Variants in SHANK2 observed in about 807,000 individuals in gnomAD.
SHANK2 encodes the protein SH3 and multiple ankyrin repeat domains protein 2.
Under a neutral mutation model 133.7 loss-of-function variants are expected in SHANK2, and 43 were observed. That is an observed-to-expected ratio of 0.32 (90% confidence interval 0.25 to 0.41). The LOEUF (loss-of-function observed/expected upper bound fraction) is 0.41. Among genes scored for constraint, SHANK2 ranks in the 10% least tolerant of loss-of-function variants. SHANK2 has a pLI of 1.00. For synonymous variants in SHANK2, 1,017 were observed against 952.8 expected (o/e 1.07, Z -1.24); for missense variants, 1,994 against 2,235.8 (o/e 0.89, Z 2.18).
chr11:70,519,934 G>A (rs1167979483), intron 17 of SHANK2, among the ~76,000 whole-genome samples: 2 of 145,668 alleles, frequency 1.4e-5, no homozygotes, highest in East Asian at 4.0e-4. Flanking sequence ...TTTTTTTAAA[G>A]GCAAGGTCTC....
chr11:70,663,329 G>A (rs547759947), intron 15 of SHANK2, among the ~76,000 whole-genome samples: 7 of 152,300 alleles, frequency 4.6e-5, no homozygotes, highest in Admixed American at 3.3e-4. Context: ...GGATTGGGGG[G>A]CCCTGGGGAG....
At chr11:70,849,416 G>A (rs1285587503) in intron 11 of SHANK2, among the ~76,000 whole-genome samples, 1 of 152,186 alleles carries the variant, frequency 6.6e-6, no homozygotes, top group Non-Finnish European at 1.5e-5. Context: ...TGCACAAATG[G>A]GGCTGAACAG....
chr11:71,100,209 G>A (rs1951696090), intron 6 of SHANK2, among the ~76,000 whole-genome samples: 1 of 152,198 alleles, frequency 6.6e-6, no homozygotes. Flanking sequence ...AGTTTGGCGA[G>A]TTGACACAAA....
chr11:70,848,709 T>A (rs1331742130), intron 11 of SHANK2, among the ~76,000 whole-genome samples: 1 of 152,108 alleles, frequency 6.6e-6, no homozygotes, highest in African/African-American at 2.4e-5. Context: ...CCTTGAAAGG[T>A]AAATGGCAAG....
chr11:70,704,026 C>T (rs1193784255), intron 14 of SHANK2, among the ~76,000 whole-genome samples: 5 of 152,216 alleles, frequency 3.3e-5, no homozygotes, highest in Admixed American at 1.3e-4. Context: ...GGGACAATGC[C>T]GCCCTACTCC....
chr11:70,540,371 G>A (rs1169963318), intron 17 of SHANK2, among the ~76,000 whole-genome samples: 1 of 112,096 alleles, frequency 8.9e-6, no homozygotes, highest in Non-Finnish European at 1.8e-5. Context: ...CAGGCAGGCT[G>A]GGGCCCCTCC....
At chr11:70,756,754 G>A (rs782400577) in intron 14 of SHANK2, among the ~76,000 whole-genome samples, 35 of 152,326 alleles carry the variant, frequency 2.3e-4, no homozygotes, top group Middle Eastern at 3.4e-3. Flanking sequence ...GCCACGCAGC[G>A]TTGAACATAT....
intron 2 of SHANK2, among the ~76,000 whole-genome samples, chr11:71,147,717 G>GA (rs1330396827): frequency 1.3e-5 from 2 of 152,212 alleles, no homozygotes; most frequent in African/African-American, 4.8e-5. Flanking sequence ...CCCAAGGTAA[G>GA]AAAAAAGGCT....
intron 2 of SHANK2, among the ~76,000 whole-genome samples, chr11:71,178,003 A>G (rs541977454): frequency 1.3e-5 from 2 of 152,342 alleles, no homozygotes; most frequent in South Asian, 2.1e-4. Flanking sequence ...CGTGGCCACT[A>G]TGGAAAATAG....
intron 25 of SHANK2, among the ~76,000 whole-genome samples, chr11:70,476,463 G>C (rs1555150139): frequency 3.9e-5 from 6 of 152,194 alleles, no homozygotes; most frequent in Non-Finnish European, 1.5e-5. Context: ...AACTGGGGGT[G>C]CTGTGGCCTG....
At chr11:71,061,971 C>CTTTTTTTTTT (rs1216736346) in intron 9 of SHANK2, among the ~76,000 whole-genome samples, 46 of 109,560 alleles carry the variant, frequency 4.2e-4, no homozygotes, top group South Asian at 6.7e-4. Context: ...GTCTTTCTTT[C>CTTTTTTTTTT]TTTTTTTTTT....
chr11:70,931,362 G>C (rs1376394035), intron 10 of SHANK2, among the ~76,000 whole-genome samples: 1 of 152,190 alleles, frequency 6.6e-6, no homozygotes, highest in Non-Finnish European at 1.5e-5. Flanking sequence ...TATGATCTGT[G>C]AATTACATCT....
chr11:70,878,295 T>C (rs1949602432), intron 11 of SHANK2, among the ~76,000 whole-genome samples: 1 of 152,182 alleles, frequency 6.6e-6, no homozygotes, highest in Non-Finnish European at 1.5e-5. Flanking sequence ...GGCAGGACCC[T>C]GGGAGGACCT....
At chr11:71,139,014 C>CA (rs1952502092) in intron 3 of SHANK2, among the ~76,000 whole-genome samples, 1 of 152,152 alleles carries the variant, frequency 6.6e-6, no homozygotes. Flanking sequence ...AGCTGAGTGA[C>CA]AATGCATGGT....
At chr11:70,863,430 G>A (rs1555068277) in intron 11 of SHANK2, 2 of 457,898 alleles carry the variant, frequency 4.4e-6, no homozygotes, top group Non-Finnish European at 8.8e-6. Flanking sequence ...TCGGTGCCCT[G>A]GGACGCCTGT....
chr11:70,507,626 C>T (rs1214460210), intron 17 of SHANK2, among the ~76,000 whole-genome samples: 7 of 152,242 alleles, frequency 4.6e-5, no homozygotes, highest in East Asian at 1.9e-4. Flanking sequence ...GTCACCACTC[C>T]GCATTACCCT....
chr11:70,494,585 C>T (rs1249113396), intron 21 of SHANK2, among the ~76,000 whole-genome samples: 7 of 152,186 alleles, frequency 4.6e-5, no homozygotes, highest in Non-Finnish European at 1.0e-4. Context: ...TGAGCCACCA[C>T]ACCCAGCCAT....
chr11:70,729,735 A>G (rs1260690367), intron 14 of SHANK2, among the ~76,000 whole-genome samples: 3 of 150,114 alleles, frequency 2.0e-5, no homozygotes, highest in Non-Finnish European at 3.0e-5. Context: ...GGGTTTCACC[A>G]TGTTAGCCAG....
intron 17 of SHANK2, among the ~76,000 whole-genome samples, chr11:70,599,045 G>A (rs1349006401): frequency 6.6e-6 from 1 of 150,414 alleles, no homozygotes; most frequent in East Asian, 1.9e-4. Flanking sequence ...TTTATTGCAG[G>A]TCCTAGCTAG....
Sources: gnomAD v4.1 joint callset for allele counts (sites outside exome capture counted in the v4.1 genomes callset) on GRCh38, gnomAD v4.1.1 for gene constraint, MANE v1.5 for transcripts, NCBI Gene and HGNC (gene_info 2026-07-23, HGNC 2026-07-21) for gene names.